SETDB2: variants seen among roughly 807,000 people sequenced by gnomAD.
The protein encoded by SETDB2 is SET domain bifurcated histone lysine methyltransferase 2.
A neutral mutation model predicts 82.5 loss-of-function variants in SETDB2; 56 were observed. That is an observed-to-expected ratio of 0.68 (90% CI 0.55 to 0.85). SETDB2 has a LOEUF of 0.85. Ranked by LOEUF, SETDB2 falls within the 40% of genes least tolerant of loss-of-function variation. The probability of loss-of-function intolerance (pLI) is 0.00; values close to 1 mark genes in which losing one functional copy is unlikely to be tolerated. For synonymous variants in SETDB2, 272 were observed against 284.9 expected, an observed-to-expected ratio of 0.95 and a Z score of 0.46; for missense variants, 677 against 816.4, an observed-to-expected ratio of 0.83 and a Z score of 2.08.
chr13:49,462,698 A>G lies in SETDB2; in HGVS notation c.208+1536A>G, dbSNP rs192454549. On this transcript the variant is annotated intron_variant, in intron 4 of 13. Transcript: ENST00000611815. ...TAATGCTGTTAGATGTTGTCAATAA[A>G]TGTCAATAATTTTTGTCTTTTATAA... is the stretch of plus-strand genomic sequence containing the variant. Among the ~76,000 whole-genome samples the G allele has an allele frequency of 3.0e-4, 46 of 152,326 alleles. No individual in the cohort carries two copies. In the East Asian group the frequency reaches 8.1e-3, roughly 27 times the overall value.
At chr13:49,453,263 G>A (rs1197561527) in intron 2 of SETDB2, among the ~76,000 whole-genome samples, 2 of 150,496 alleles carry the variant, frequency 1.3e-5, no homozygotes, top group Non-Finnish European at 3.0e-5. Flanking sequence ...ATTGTCCCGG[G>A]TTTGGCTATT....
chr13:49,444,369 G>T lies in SETDB2; in HGVS notation c.-830G>T. 4.8e-6 allele frequency: 1 copy of T among 210,434 alleles called. No homozygotes were observed. The highest frequency in any genetic ancestry group is 9.9e-6 in the Non-Finnish European group (1 of 100,510). 13.0% of individuals were successfully genotyped at this position (210,434 alleles called of 1,614,324 possible). ...AATGGTGAAGTACTTCCCGGCCAGA[G>T]GGCACCTGCGCTCGGGAGGTTTGGG... On this transcript the variant is annotated 5_prime_UTR_variant, in exon 1 of 14. In the 5' UTR this introduces an upstream ATG that the reference lacks. Transcript: ENST00000611815.
chr13:49,463,584 C>A (rs1187391429), intron 4 of SETDB2, among the ~76,000 whole-genome samples: 1 of 152,202 alleles, frequency 6.6e-6, no homozygotes, highest in Non-Finnish European at 1.5e-5. Context: ...CATAACTCAG[C>A]ATTACACGTT....
In SETDB2 at chr13:49,493,930, T is replaced by C. The variant is rs1434409722; in HGVS notation, c.*2081T>C. The C allele has an allele frequency of 6.6e-6, 1 of 152,228 alleles. No homozygotes were observed. Among genetic ancestry groups the C allele is most frequent in the Non-Finnish European group, 1.5e-5 (1 of 68,044 alleles). 9.4% of individuals were successfully genotyped at this position (152,228 alleles called of 1,614,324 possible). A position where few individuals can be genotyped will look rare whatever the true frequency, so the allele number is the denominator to read the frequency against. On this transcript the variant is annotated 3_prime_UTR_variant, in exon 14 of 14. Coordinates refer to ENST00000611815, the MANE Select transcript of SETDB2 (RefSeq NM_001160308.3). ...ATGTTCTGTCCCTGTTAAGAGTCCA[T>C]TTTCATCCTTTGTACTAGGTGCCTG...
Position 49,453,628 on chromosome 13 carries a change from G to A in SETDB2, c.16+1719G>A, listed in dbSNP as rs542991238. On this transcript the variant is annotated intron_variant, in intron 2 of 13. Coordinates refer to ENST00000611815, the MANE Select transcript of SETDB2 (RefSeq NM_001160308.3). The stretch of plus-strand genomic sequence containing the variant: ...GGCTCTTGTGTCCCTTTGATATACC[G>A]TCATCAGTGTAGGTATTTTTTATTT... Among the ~76,000 whole-genome samples, 8 of 152,130 alleles carry A rather than the reference G, an allele frequency of 5.3e-5. No individual in the cohort carries two copies. In the South Asian group the frequency reaches 8.3e-4, roughly 16 times the overall value.
At chr13:49,456,032 G>A (rs537614706) in intron 2 of SETDB2, among the ~76,000 whole-genome samples, 2 of 152,120 alleles carry the variant, frequency 1.3e-5, no homozygotes, top group East Asian at 1.9e-4. Context: ...CAGTGCCTTT[G>A]TACTATCAGT....
intron 1 of SETDB2, among the ~76,000 whole-genome samples, chr13:49,446,642 C>A (rs1250600991): frequency 6.6e-6 from 1 of 152,100 alleles, no homozygotes; most frequent in African/African-American, 2.4e-5. Context: ...TGGATCATTT[C>A]TTTTACCTGC....
In SETDB2 at chr13:49,444,847, C is replaced by T. The variant is rs1314415106; in HGVS notation, c.-352C>T. On this transcript the variant is annotated 5_prime_UTR_variant, in exon 1 of 14. Coordinates refer to ENST00000611815, the MANE Select transcript of SETDB2 (RefSeq NM_001160308.3). ...AGAACTTGAAGGTTAAACCACTAGC[C>T]CATTTCACAGGTAAGATTACACGAG... is the stretch of plus-strand genomic sequence containing the variant. 1 of 152,204 alleles carries T rather than the reference C, an allele frequency of 6.6e-6. No individual in the cohort carries two copies. The highest frequency in any genetic ancestry group is 2.4e-5 in the African/African-American group (1 of 41,412). 9.4% of individuals were successfully genotyped at this position (152,204 alleles called of 1,614,324 possible). A position where few individuals can be genotyped will look rare whatever the true frequency, so the allele number is the denominator to read the frequency against.
intron 4 of SETDB2, among the ~76,000 whole-genome samples, chr13:49,465,268 A>G (rs1958081049): frequency 6.6e-6 from 1 of 152,142 alleles, no homozygotes; most frequent in South Asian, 2.1e-4. Flanking sequence ...CTGTCTCCAT[A>G]TGAAGGACTG....
At chr13:49,484,158 G>GGAT (rs1958544727) in intron 10 of SETDB2, among the ~76,000 whole-genome samples, 3 of 152,152 alleles carry the variant, frequency 2.0e-5, no homozygotes, top group Admixed American at 1.3e-4. Context: ...GAGACCGAGA[G>GGAT]GTATCCCATT....
rs781575680 is a variant in SETDB2, at chr13:49,481,069, G to T, written c.1109G>T (p.Arg370Leu). Residue 370 changes from arginine to leucine, a missense_variant, in exon 8 of 14, where the codon CGC (arginine) becomes CTC (leucine). By Grantham distance (102) the Arg-to-Leu change is moderately radical. Transcript: ENST00000611815. ...FKTEQKGWGV[R>L]CLDDIDRGTF... ...ACTGAGCAGAAGGGATGGGGTGTAC[G>T]CTGTCTAGATGACATTGACAGAGGG... is the stretch of plus-strand genomic sequence containing the variant. 2.5e-6 allele frequency: 4 copies of T among 1,614,080 alleles called. No individual in the cohort carries two copies. In the Admixed American group the frequency reaches 6.7e-5, roughly 27 times the overall value.
At chr13:49,466,705 T>G (rs527419635) in intron 4 of SETDB2, among the ~76,000 whole-genome samples, 4 of 152,142 alleles carry the variant, frequency 2.6e-5, no homozygotes, top group African/African-American at 9.6e-5. Flanking sequence ...AGTGCAGTGG[T>G]GCAAGTATAG....
Position 49,444,420 on chromosome 13 carries a change from A to C in SETDB2, c.-779A>C, listed in dbSNP as rs1594116641. On this transcript the variant is annotated 5_prime_UTR_variant, in exon 1 of 14. Transcript: ENST00000611815. The stretch of plus-strand genomic sequence containing the variant: ...CGGCTTGGCGTCGGAGGAGAGCCCC[A>C]CCCGCGGAGGAACCCAGCCTTGCCA... 2 of 187,026 alleles carry C rather than the reference A, an allele frequency of 1.1e-5. No homozygotes were observed. The highest frequency in any genetic ancestry group is 2.3e-5 in the Non-Finnish European group (2 of 86,726). 11.6% of individuals were successfully genotyped at this position (187,026 alleles called of 1,614,324 possible). A position where few individuals can be genotyped will look rare whatever the true frequency, so the allele number is the denominator to read the frequency against.
At chr13:49,463,793 T>C (rs1031373063) in intron 4 of SETDB2, among the ~76,000 whole-genome samples, 2 of 152,192 alleles carry the variant, frequency 1.3e-5, no homozygotes, top group African/African-American at 2.4e-5. Context: ...TATACACTCA[T>C]ACCATAAGAG....
At chr13:49,468,671 A>G (rs551946944) in intron 5 of SETDB2, among the ~76,000 whole-genome samples, 3 of 143,118 alleles carry the variant, frequency 2.1e-5, no homozygotes, top group Non-Finnish European at 4.6e-5. Context: ...AAGAAAAACT[A>G]TATAATTATT....
intron 2 of SETDB2, among the ~76,000 whole-genome samples, chr13:49,458,476 C>T (rs1022479020): frequency 7.2e-5 from 11 of 152,220 alleles, no homozygotes; most frequent in Non-Finnish European, 1.5e-4. Flanking sequence ...GGTTGTTAAT[C>T]ACCACTCTTT....
rs1958148266 is a variant in SETDB2 at position 49,467,847 on chromosome 13, A to G, written c.209-17A>G. 1.3e-6 allele frequency: 2 copies of G among 1,582,574 alleles called. No homozygotes were observed. The highest frequency in any genetic ancestry group is 1.2e-5 in the South Asian group (1 of 86,404). On this transcript the variant is annotated splice_polypyrimidine_tract_variant and intron_variant, in intron 4 of 13. Transcript: ENST00000611815. ...TTAACTTGGTATATTTGTTGCTCACATTATTTTTTTGTGTAGATCCTATGC... is the reference window on the plus strand; with the variant it reads ...TTAACTTGGTATATTTGTTGCTCACGTTATTTTTTTGTGTAGATCCTATGC...
intron 4 of SETDB2, among the ~76,000 whole-genome samples, chr13:49,462,311 A>T: frequency 6.6e-6 from 1 of 152,196 alleles, no homozygotes; most frequent in Non-Finnish European, 1.5e-5. Flanking sequence ...CCCATTCTGA[A>T]GCTGTCTAGG....
intron 4 of SETDB2, among the ~76,000 whole-genome samples, chr13:49,465,629 C>T (rs140065771): frequency 2.5e-4 from 38 of 152,198 alleles, no homozygotes; most frequent in East Asian, 1.7e-3. Flanking sequence ...TTCCGCCTCC[C>T]GGGTTCAAGC....
Sources: allele counts gnomAD v4.1 joint callset (sites outside exome capture counted in the v4.1 genomes callset), GRCh38; gene constraint gnomAD v4.1.1; transcripts MANE v1.5; gene names NCBI Gene and HGNC (gene_info 2026-07-23, HGNC 2026-07-21).